Variants in TTC7A observed in about 807,000 individuals in gnomAD.
TTC7A encodes tetratricopeptide repeat protein 7A.
In TTC7A, 110 loss-of-function variants were observed where a neutral mutation model predicts 103.7. The ratio of observed to expected loss-of-function variants is 1.06; its 90% CI spans 0.91 to 1.24. The LOEUF is 1.24. Among genes scored for constraint, TTC7A ranks in the 50% most tolerant of loss-of-function variants. The pLI, the probability that TTC7A is intolerant of heterozygous loss-of-function variation, is 0.00. For missense variants in TTC7A, 1,340 were observed against 1,116.3 expected, an observed-to-expected ratio of 1.20 and a Z score of -2.86; for synonymous variants, 521 against 467.9, an observed-to-expected ratio of 1.11 and a Z score of -1.47.
chr2:46,997,067 C>G (rs1013750589), intron 8 of TTC7A, among the ~76,000 whole-genome samples: 1 of 152,142 alleles, frequency 6.6e-6, no homozygotes, highest in Non-Finnish European at 1.5e-5. Context: ...CAACCTCTGT[C>G]TCCCAGGTTA....
At chr2:47,026,219 T>C (rs1392991485) in intron 14 of TTC7A, among the ~76,000 whole-genome samples, 1 of 152,118 alleles carries the variant, frequency 6.6e-6, no homozygotes, top group Admixed American at 6.5e-5. Context: ...CAAGAGTACA[T>C]CTGGCTGGCC....
At chr2:47,062,076 G>T (rs1391360412) in intron 19 of TTC7A, among the ~76,000 whole-genome samples, 1 of 152,190 alleles carries the variant, frequency 6.6e-6, no homozygotes, top group East Asian at 1.9e-4. Flanking sequence ...GCCAAAAGGG[G>T]GCTGATTTGT....
At chr2:46,970,973 G>A (rs1673304511) in intron 3 of TTC7A, among the ~76,000 whole-genome samples, 1 of 152,220 alleles carries the variant, frequency 6.6e-6, no homozygotes, top group South Asian at 2.1e-4. Flanking sequence ...AAGGGACAAG[G>A]TCACTGAATC....
At chr2:46,969,156 A>G (rs544628025) in intron 3 of TTC7A, among the ~76,000 whole-genome samples, 1 of 151,692 alleles carries the variant, frequency 6.6e-6, no homozygotes, top group Admixed American at 6.6e-5. Flanking sequence ...TCTTTTGCAC[A>G]TGTAATTTTT....
At position 47,001,847 on chromosome 2, in the gene TTC7A, G is replaced by T. The variant is rs551852205; in HGVS notation, c.1066-4075G>T. 7.2e-4 allele frequency among the ~76,000 whole-genome samples: 103 copies of T among 143,032 alleles called. 1 individual carries two copies. Among genetic ancestry groups the T allele is most frequent in the Non-Finnish European group, 7.5e-4 (50 of 66,628 alleles). 93.8% of individuals were successfully genotyped at this position (143,032 alleles called of 152,430 possible). ...GCTCTCCAACCTGGGCAACAAGAGC[G>T]AGACTCTGTCTCAAAAAAAAAAAAA... On this transcript the variant is annotated intron_variant, in intron 8 of 19. Transcript: ENST00000319190.
At chr2:46,943,083 T>C (rs1670593455) in intron 1 of TTC7A, among the ~76,000 whole-genome samples, 1 of 152,110 alleles carries the variant, frequency 6.6e-6, no homozygotes, top group African/African-American at 2.4e-5. Flanking sequence ...TTTTTGCAGT[T>C]TTAGTAGAGA....
At chr2:46,961,671 G>A (rs12053441) in intron 3 of TTC7A, among the ~76,000 whole-genome samples, 99,842 of 151,826 alleles carry the variant, frequency 0.66, 33,661 homozygotes, top group East Asian at 0.74. Context: ...TTGGGAAGCC[G>A]AGGCGGGTGG....
intron 5 of TTC7A, among the ~76,000 whole-genome samples, chr2:46,984,349 G>A (rs936887018): frequency 1.3e-5 from 2 of 152,238 alleles, no homozygotes; most frequent in African/African-American, 4.8e-5. Context: ...GAGGAAGTAA[G>A]GGTGAGGCCC....
At chr2:46,973,642 C>G (rs1446379620) in intron 3 of TTC7A, among the ~76,000 whole-genome samples, 1 of 152,212 alleles carries the variant, frequency 6.6e-6, no homozygotes, top group Non-Finnish European at 1.5e-5. Flanking sequence ...TCTGAACCCC[C>G]TGCCTCAGCT....
In TTC7A at chr2:46,993,456, C is replaced by G. The variant is rs755109997; in HGVS notation, c.771C>G (p.Ile257Met). The G allele has an allele frequency of 3.1e-6, 5 of 1,614,164 alleles. No homozygotes were observed. The highest frequency in any genetic ancestry group is 1.7e-6 in the Non-Finnish European group (2 of 1,180,008). The change falls in exon 6 of 20, where the codon ATC becomes ATG. Residue 257 changes from isoleucine to methionine, a missense_variant. Physicochemically the swap from Ile to Met is conservative, Grantham distance 10. Coordinates refer to ENST00000319190, the MANE Select transcript of TTC7A (RefSeq NM_020458.4). ...AYVKNLKKGN[I>M]VKGMRELREV... ...TCTGCCGTCCTCCCACCAGGAACAT[C>G]GTGAAGGGCATGAGAGAGCTCCGGG... is the stretch of plus-strand genomic sequence containing the variant.
At chr2:47,023,148 G>A (rs867704094) in intron 12 of TTC7A, among the ~76,000 whole-genome samples, 11 of 152,222 alleles carry the variant, frequency 7.2e-5, no homozygotes, top group African/African-American at 2.7e-4. Context: ...CCATGTCGTG[G>A]AATGCTTGTA....
intron 19 of TTC7A, among the ~76,000 whole-genome samples, chr2:47,069,260 A>C (rs1312924604): frequency 6.6e-6 from 1 of 152,162 alleles, no homozygotes; most frequent in Non-Finnish European, 1.5e-5. Context: ...CAGGCTGCAG[A>C]GTCCCCCAGG....
chr2:47,038,205 G>A (rs1031212695), intron 15 of TTC7A, among the ~76,000 whole-genome samples: 13 of 151,164 alleles, frequency 8.6e-5, no homozygotes, highest in Non-Finnish European at 1.6e-4. Flanking sequence ...GTTGCAGTGA[G>A]CCGAGATCAC....
chr2:47,052,693 G>A (rs1354866562), intron 18 of TTC7A, among the ~76,000 whole-genome samples: 3 of 152,194 alleles, frequency 2.0e-5, no homozygotes, highest in African/African-American at 7.2e-5. Flanking sequence ...ACAAGTGCCT[G>A]AATGAAATAA....
chr2:46,995,628 G>C (rs901488104), intron 8 of TTC7A, among the ~76,000 whole-genome samples: 1 of 152,218 alleles, frequency 6.6e-6, no homozygotes, highest in Non-Finnish European at 1.5e-5. Flanking sequence ...CGTGTTAGTT[G>C]AGGGCTGGGG....
chr2:46,946,778 G>C (rs1022738996), intron 1 of TTC7A, among the ~76,000 whole-genome samples: 1 of 151,400 alleles, frequency 6.6e-6, no homozygotes, highest in Non-Finnish European at 1.5e-5. Context: ...ACATCCTTCA[G>C]TTCCATAGAC....
chr2:46,946,517 G>C (rs1381486681), intron 1 of TTC7A, among the ~76,000 whole-genome samples: 2 of 152,060 alleles, frequency 1.3e-5, no homozygotes. Flanking sequence ...TTGAACTCTT[G>C]GGCTCAAGCC....
At chr2:47,067,009 G>C (rs1009468688) in intron 19 of TTC7A, among the ~76,000 whole-genome samples, 1 of 152,236 alleles carries the variant, frequency 6.6e-6, no homozygotes, top group Non-Finnish European at 1.5e-5. Flanking sequence ...GGAGGGGCAA[G>C]AGAGTGTGAG....
chr2:46,920,004 T>C (rs950062276), intron 2 of TTC7A, among the ~76,000 whole-genome samples: 1 of 152,186 alleles, frequency 6.6e-6, no homozygotes, highest in Non-Finnish European at 1.5e-5. Flanking sequence ...TTTTGGCATG[T>C]GTTGTGTTGT....
Sources: gnomAD v4.1 joint callset for allele counts (sites outside exome capture counted in the v4.1 genomes callset) on GRCh38, gnomAD v4.1.1 for gene constraint, MANE v1.5 for transcripts, NCBI Gene and HGNC (gene_info 2026-07-23, HGNC 2026-07-21) for gene names.